MRPL28: variants seen among roughly 807,000 people sequenced by gnomAD.
MRPL28 encodes the protein mitochondrial ribosomal protein L28.
In MRPL28, 25 loss-of-function variants were observed where a neutral mutation model predicts 26.2. The ratio of observed to expected loss-of-function variants is 0.95; its 90% confidence interval spans 0.69 to 1.33. The LOEUF (loss-of-function observed/expected upper bound fraction) is 1.33, where lower values mean the gene tolerates loss of function less well. Ranked by LOEUF, MRPL28 falls within the 40% of genes most tolerant of loss-of-function variation. The pLI is 0.00. For missense variants in MRPL28, 432 were observed against 327.2 expected (o/e 1.32, Z -2.47); for synonymous variants, 227 against 140.1 (o/e 1.62, Z -4.38).
chr16:367,269 G>A lies in MRPL28; in HGVS notation c.*406C>T. The A allele has an allele frequency of 1.7e-6, 1 of 574,108 alleles. No homozygotes were observed. The highest frequency in any genetic ancestry group is 3.2e-6 in the Non-Finnish European group (1 of 312,252). The allele number at this position is 574,108 out of a possible 1,614,324, so 35.6% of individuals were successfully genotyped here. On this transcript the variant is annotated 3_prime_UTR_variant, in exon 6 of 6. Transcript: ENST00000199706. Reference sequence around the variant, plus strand: ...AACCTCGCTCTCTGCAGCTCACCGGGGGACGGGCACAGCCAGAGTCAATGC... The same window carrying A: ...AACCTCGCTCTCTGCAGCTCACCGGAGGACGGGCACAGCCAGAGTCAATGC...
Position 370,198 on chromosome 16 carries a change from G to C in MRPL28, c.21C>G (p.Pro7=), listed in dbSNP as rs767480988. 5.6e-6 allele frequency: 9 copies of C among 1,596,310 alleles called. No homozygotes were observed. The highest frequency in any genetic ancestry group is 1.3e-5 in the African/African-American group (1 of 74,590). The change falls in exon 2 of 6, where the codon CCC becomes CCG. Residue 7 remains proline, a synonymous_variant. Transcript: ENST00000199706. ...GCTGCAGCCGCTTCCAGAGCCACAC[G>C]GGATACTTGTGTAGAGGCATCGCGA... The part of the protein sequence containing the change: MPLHKY[P]VWLWKRLQLR...
chr16:369,343 G>C lies in MRPL28; in HGVS notation c.289-123C>G, dbSNP rs539641912. ...TCACAGAACCACTGCTGTCAGACTG[G>C]GGACCTAGAGCTAACTGGGCCGGCC... On this transcript the variant is annotated intron_variant, in intron 2 of 5. Coordinates refer to ENST00000199706, the MANE Select transcript of MRPL28 (RefSeq NM_006428.5). 66 of 1,296,000 alleles carry C rather than the reference G, an allele frequency of 5.1e-5. No individual in the cohort carries two copies. In the African/African-American group the frequency reaches 8.9e-4, roughly 17 times the overall value. The allele number at this position is 1,296,000 out of a possible 1,614,324, so 80.3% of individuals were successfully genotyped here.
rs2054270879 is a variant in MRPL28, at chr16:367,606, G to T, written c.*69C>A. 1.4e-6 allele frequency: 2 copies of T among 1,405,376 alleles called. No homozygotes were observed. Among genetic ancestry groups the T allele is most frequent in the Admixed American group, 1.7e-5 (1 of 57,940 alleles). The allele number at this position is 1,405,376 out of a possible 1,614,324, so 87.1% of individuals were successfully genotyped here. The stretch of plus-strand genomic sequence containing the variant: ...TGGCCCTCACAGCTCCCCGGGATCT[G>T]TGTCCTCAGTGCAAAGGGCCTGGCA... On this transcript the variant is annotated 3_prime_UTR_variant, in exon 6 of 6. Coordinates refer to ENST00000199706, the MANE Select transcript of MRPL28 (RefSeq NM_006428.5).
chr16:368,781 T>C (rs1443868207), intron 3 of MRPL28, 146 bp from the exon 4 acceptor site: 2 of 1,281,892 alleles, frequency 1.6e-6, no homozygotes, highest in Admixed American at 2.7e-5. Context: ...CACCCCAGCC[T>C]GGGGGGTGGG....
intron 3 of MRPL28, 42 bp from the exon 4 acceptor site, chr16:368,677 C>T (rs767016532): frequency 2.0e-6 from 3 of 1,518,030 alleles, no homozygotes; most frequent in Non-Finnish European, 2.6e-6. Flanking sequence ...GGTGGCAGGG[C>T]CCCACCTACC....
In MRPL28 at chr16:368,495, C is replaced by G. The variant is rs1307713893; in HGVS notation, c.576+6G>C. ...CAGGTGTAGGGAGCGGGACGGAAAC[C>G]CTCACCTTGTACTTGTCGTAGATGG... On this transcript the variant is annotated splice_donor_region_variant and intron_variant, in intron 4 of 5. Transcript: ENST00000199706. 11 of 1,606,578 alleles carry G rather than the reference C, an allele frequency of 6.8e-6. No homozygotes were observed. Among genetic ancestry groups the G allele is most frequent in the Non-Finnish European group, 8.5e-6 (10 of 1,175,284 alleles).
chr16:367,865 G>T, intron 5 of MRPL28, 83 bp from the exon 6 acceptor site: 1 of 1,203,100 alleles, frequency 8.3e-7, no homozygotes, highest in Non-Finnish European at 1.2e-6. Context: ...AGCAGCTGCC[G>T]CCCAGAGGAA....
Position 369,934 on chromosome 16 carries a change from G to C in MRPL28, c.285C>G (p.Asp95Glu). 6.2e-7 allele frequency: 1 copy of C among 1,609,062 alleles called. No individual in the cohort carries two copies. The highest frequency in any genetic ancestry group is 1.1e-5 in the South Asian group (1 of 91,006). ...WILGQIYANNDKLSKRLKKVW... is the reference protein window; with the variant it reads ...WILGQIYANNEKLSKRLKKVW... Reference sequence around the variant, plus strand: ...TGAAGGCCGCCTGCGGACCCACCTTGTCGTTGTTGGCATATATTTGGCCCA... The same window carrying C: ...TGAAGGCCGCCTGCGGACCCACCTTCTCGTTGTTGGCATATATTTGGCCCA... Residue 95 changes from aspartate (D) to glutamate (E), a missense_variant, in exon 2 of 6, where the codon GAC becomes GAG. By Grantham distance (45) the Asp-to-Glu change is conservative (BLOSUM62 2). Coordinates refer to ENST00000199706, the MANE Select transcript of MRPL28 (RefSeq NM_006428.5).
Position 370,532 on chromosome 16 carries a change from C to G in MRPL28, c.-41G>C. ...GTTCAGAGCCCACCGGAACCGGAAG[C>G]CGATCTGCCGCGCCTGGCCCTCCTC... On this transcript the variant is annotated 5_prime_UTR_variant, in exon 1 of 6. Transcript: ENST00000199706. The G allele has an allele frequency of 1.0e-6, 1 of 968,064 alleles. No individual in the cohort carries two copies. The highest frequency in any genetic ancestry group is 2.0e-5 in the African/African-American group (1 of 50,760). 60.0% of individuals were successfully genotyped at this position (968,064 alleles called of 1,614,324 possible).
rs1054407980 is a variant in MRPL28, at chr16:369,808, T to G, written c.288+123A>C. 6.5e-6 allele frequency: 8 copies of G among 1,235,532 alleles called. No homozygotes were observed. In the Admixed American group the frequency reaches 1.6e-4, roughly 24 times the overall value. The allele number at this position is 1,235,532 out of a possible 1,614,324, so 76.5% of individuals were successfully genotyped here. On this transcript the variant is annotated intron_variant, in intron 2 of 5. Transcript: ENST00000199706. ...TCAGCGTGCTCCTTTGCCGGAGATG[T>G]GTCGCCTCCAGGCTGTAATCCCCAG...
chr16:368,230 A>G, intron 5 of MRPL28, 98 bp downstream of exon 5: 2 of 1,405,380 alleles, frequency 1.4e-6, no homozygotes, highest in Non-Finnish European at 2.0e-6. Context: ...CACCCAGTGC[A>G]CCAGCCCCTT....
chr16:369,608 C>T (rs548829200), intron 2 of MRPL28: 11 of 716,628 alleles, frequency 1.5e-5, no homozygotes, highest in South Asian at 9.1e-5. Flanking sequence ...AAGCTCTGCT[C>T]GCCTCCCCCA....
chr16:367,751 G>A lies in MRPL28; in HGVS notation c.695C>T (p.Ala232Val), dbSNP rs749920235. ...CTGCTGCAGCTGCTGGATCAGCTCC[G>A]CCACATAGATCTTGAACAGGGGTAC... The part of the protein sequence containing the change: ...DPVPLFKIYV[A>V]ELIQQLQQQA... The change falls in exon 6 of 6, where the codon GCG (alanine) becomes GTG (valine). Residue 232 changes from alanine to valine, a missense_variant. Ala to Val is a moderately conservative substitution (Grantham distance 64). Transcript: ENST00000199706. 27 of 1,613,820 alleles carry A rather than the reference G, an allele frequency of 1.7e-5. No individual in the cohort carries two copies. The South Asian group carries it at 2.0e-4, about 12-fold the overall frequency.
At position 367,490 on chromosome 16, in the gene MRPL28, C is replaced by A. The variant is rs1410307458; in HGVS notation, c.*185G>T. 2 of 723,146 alleles carry A rather than the reference C, an allele frequency of 2.8e-6. No homozygotes were observed. Among genetic ancestry groups the A allele is most frequent in the African/African-American group, 3.5e-5 (2 of 57,424 alleles). The allele number at this position is 723,146 out of a possible 1,614,324, so 44.8% of individuals were successfully genotyped here. A position where few individuals can be genotyped will look rare whatever the true frequency, so the allele number is the denominator to read the frequency against. ...AGCCTGAGAGGAGCCTCTGGGCGGC[C>A]CAGGCCTCCTGGGGATCCCTGCCAA... On this transcript the variant is annotated 3_prime_UTR_variant, in exon 6 of 6. Coordinates refer to ENST00000199706, the MANE Select transcript of MRPL28 (RefSeq NM_006428.5).
rs1204628825 is a variant in MRPL28 at position 367,736 on chromosome 16, T to C, written c.710A>G (p.Gln237Arg). The change falls in exon 6 of 6, where the codon CAG (glutamine) becomes CGG (arginine). Residue 237 changes from glutamine (Q) to arginine (R), a missense_variant. Physicochemically the swap from Gln to Arg is conservative, Grantham distance 43 (BLOSUM62 1). Coordinates refer to ENST00000199706, the MANE Select transcript of MRPL28 (RefSeq NM_006428.5). ...FKIYVAELIQ[Q>R]LQQQALSEPA... ...CTCTGACAGTGCCTGCTGCTGCAGC[T>C]GCTGGATCAGCTCCGCCACATAGAT... The C allele has an allele frequency of 6.2e-7, 1 of 1,613,784 alleles. No individual in the cohort carries two copies. Among genetic ancestry groups the C allele is most frequent in the Non-Finnish European group, 8.5e-7 (1 of 1,180,024 alleles).
intron 3 of MRPL28, 119 bp from the exon 4 acceptor site, chr16:368,754 G>A (rs773868534): frequency 1.0e-5 from 15 of 1,443,692 alleles, no homozygotes; most frequent in Admixed American, 4.9e-5. Context: ...GAGAAGGCCC[G>A]GGTGGGGCCG....
Position 369,955 on chromosome 16 carries a change from GC to G in MRPL28, c.263del (p.Gly88AlafsTer14). ...CCTTGTCGTTGTTGGCATATATTTG[GC>G]CCAGGATCCAGCCCTCGCCGCCCCA... ...GLWGGEGWIL[G>X]QIYANNDKLS... On this transcript the variant is annotated frameshift_variant, in exon 2 of 6. Transcript: ENST00000199706. LOFTEE classifies it high-confidence loss of function. The G allele has an allele frequency of 6.2e-7, 1 of 1,611,580 alleles. No homozygotes were observed.
At position 370,350 on chromosome 16, in the gene MRPL28, C is replaced by G. The variant is rs1597154117; in HGVS notation, c.-7-125G>C. ...CCGGCTCTCACCCGCTACCCCGGCCCCCGGCTCTCACCCGCTACCCCGGCC... is the reference window on the plus strand; with the variant it reads ...CCGGCTCTCACCCGCTACCCCGGCCGCCGGCTCTCACCCGCTACCCCGGCC... On this transcript the variant is annotated intron_variant, in intron 1 of 5. Transcript: ENST00000199706. 3.0e-5 allele frequency: 40 copies of G among 1,338,532 alleles called. No homozygotes were observed. In the East Asian group the frequency reaches 8.6e-4, roughly 29 times the overall value. The allele number at this position is 1,338,532 out of a possible 1,614,324, so 82.9% of individuals were successfully genotyped here.
rs556143108 is a variant in MRPL28, at chr16:369,973, G to A, written c.246C>T (p.Gly82=). ...PPESQRGLWG[G]EGWILGQIYA... is the part of the protein sequence containing the mutation. ...ATATTTGGCCCAGGATCCAGCCCTC[G>A]CCGCCCCACAACCCCCGCTGGGATT... Residue 82 remains glycine, a synonymous_variant, in exon 2 of 6, where the codon GGC becomes GGT. Transcript: ENST00000199706. The A allele has an allele frequency of 2.5e-6, 4 of 1,612,542 alleles. No individual in the cohort carries two copies. The highest frequency in any genetic ancestry group is 2.7e-5 in the African/African-American group (2 of 75,004).
Sources: allele counts gnomAD v4.1 joint callset, GRCh38; gene constraint gnomAD v4.1.1; transcripts MANE v1.5; gene names NCBI Gene and HGNC (gene_info 2026-07-23, HGNC 2026-07-21).